CDYL2: variants seen among roughly 807,000 people sequenced by gnomAD.
The protein encoded by CDYL2 is chromodomain Y-like protein 2.
A neutral mutation model predicts 49.4 loss-of-function variants in CDYL2; 23 were observed. That is an observed-to-expected ratio of 0.47 (90% CI 0.34 to 0.66). CDYL2 has a LOEUF of 0.66. Ranked by LOEUF, CDYL2 falls within the 30% of genes least tolerant of loss-of-function variation. The pLI, the probability that CDYL2 is intolerant of heterozygous loss-of-function variation, is 0.01. For synonymous variants in CDYL2, 360 were observed against 268.8 expected, an observed-to-expected ratio of 1.34 and a Z score of -3.32; for missense variants, 678 against 656.4, an observed-to-expected ratio of 1.03 and a Z score of -0.36.
At chr16:80,729,852 C>G (rs1345379299) in intron 1 of CDYL2, among the ~76,000 whole-genome samples, 2 of 152,158 alleles carry the variant, frequency 1.3e-5, no homozygotes, top group Non-Finnish European at 2.9e-5. Flanking sequence ...TAAATGACTA[C>G]TGGGTGCATA....
At chr16:80,719,017 T>C (rs909631150) in intron 1 of CDYL2, among the ~76,000 whole-genome samples, 10 of 152,172 alleles carry the variant, frequency 6.6e-5, no homozygotes, top group Non-Finnish European at 1.0e-4. Context: ...GCTTGACGAC[T>C]TAACGCTCCC....
At chr16:80,668,909 A>C (rs1393592980) in intron 2 of CDYL2, among the ~76,000 whole-genome samples, 1 of 152,030 alleles carries the variant, frequency 6.6e-6, no homozygotes, top group East Asian at 1.9e-4. Context: ...AAATAATAAT[A>C]ATAATTTAAA....
At chr16:80,691,559 C>A (rs546707138) in intron 1 of CDYL2, among the ~76,000 whole-genome samples, 2 of 152,156 alleles carry the variant, frequency 1.3e-5, no homozygotes, top group Non-Finnish European at 2.9e-5. Context: ...ATCCATTCTG[C>A]TGGAAAACAC....
intron 4 of CDYL2, among the ~76,000 whole-genome samples, chr16:80,617,567 A>C (rs893542980): frequency 1.3e-5 from 2 of 152,170 alleles, no homozygotes; most frequent in Non-Finnish European, 2.9e-5. Context: ...CCCCAACTCC[A>C]GAGTGTGGCC....
chr16:80,639,763 C>A (rs894404616), intron 2 of CDYL2: 1 of 455,820 alleles, frequency 2.2e-6, no homozygotes, highest in South Asian at 1.6e-5. Flanking sequence ...TCCCCTCCCC[C>A]TGAAGCAGTA....
At position 80,776,709 on chromosome 16, in the gene CDYL2, A is replaced by G. The variant is rs948828412; in HGVS notation, c.24+27441T>C. On this transcript the variant is annotated intron_variant, in intron 1 of 6. Transcript: ENST00000570137. ...TCTTAAAAGCATAATGTAGAGTAAA[A>G]AAAGCAAGATGCAGAAGAATTCATA... Among the ~76,000 whole-genome samples the G allele has an allele frequency of 4.6e-5, 7 of 151,932 alleles. No individual in the cohort carries two copies. In the East Asian group the frequency reaches 5.8e-4, roughly 13 times the overall value.
At chr16:80,616,595 G>T (rs554263428) in intron 4 of CDYL2, among the ~76,000 whole-genome samples, 12 of 152,300 alleles carry the variant, frequency 7.9e-5, no homozygotes, top group African/African-American at 2.9e-4. Flanking sequence ...AAGTCAGCCA[G>T]TACGGGACCA....
chr16:80,698,255 G>A (rs1159266970), intron 1 of CDYL2, among the ~76,000 whole-genome samples: 1 of 152,102 alleles, frequency 6.6e-6, no homozygotes, highest in African/African-American at 2.4e-5. Flanking sequence ...AAACAGACAG[G>A]ATTATGTCAA....
At chr16:80,692,016 A>C (rs188187054) in intron 1 of CDYL2, among the ~76,000 whole-genome samples, 89 of 152,338 alleles carry the variant, frequency 5.8e-4, no homozygotes, top group Non-Finnish European at 1.1e-3. Context: ...AAGGACACAG[A>C]AATTTTAAAG....
chr16:80,637,433 A>G (rs1273849955), intron 2 of CDYL2, among the ~76,000 whole-genome samples: 1 of 152,204 alleles, frequency 6.6e-6, no homozygotes, highest in Non-Finnish European at 1.5e-5. Flanking sequence ...ATAAAAGTAT[A>G]TAAAGTTTGG....
At chr16:80,774,097 C>A (rs1373127611) in intron 1 of CDYL2, among the ~76,000 whole-genome samples, 2 of 151,470 alleles carry the variant, frequency 1.3e-5, no homozygotes, top group Non-Finnish European at 2.9e-5. Flanking sequence ...ATAATTTTGG[C>A]AATAAATAAA....
At chr16:80,646,501 A>G (rs142610527) in intron 2 of CDYL2, among the ~76,000 whole-genome samples, 102 of 152,316 alleles carry the variant, frequency 6.7e-4, no homozygotes, top group Middle Eastern at 3.4e-3. Flanking sequence ...ATTAAAAAAC[A>G]AGACCCAGGT....
At chr16:80,743,800 G>T (rs532631121) in intron 1 of CDYL2, among the ~76,000 whole-genome samples, 1 of 151,922 alleles carries the variant, frequency 6.6e-6, no homozygotes, top group African/African-American at 2.4e-5. Flanking sequence ...ATCAATTAAG[G>T]ATGAAGATAA....
intron 2 of CDYL2, among the ~76,000 whole-genome samples, chr16:80,659,101 AC>A (rs1908935262): frequency 6.9e-6 from 1 of 144,034 alleles, no homozygotes; most frequent in Non-Finnish European, 1.5e-5. Flanking sequence ...GGATGGATGG[AC>A]AGACGGATGG....
At chr16:80,702,480 A>G (rs929221800) in intron 1 of CDYL2, among the ~76,000 whole-genome samples, 17 of 152,168 alleles carry the variant, frequency 1.1e-4, no homozygotes, top group African/African-American at 4.1e-4. Flanking sequence ...TCTGGACATG[A>G]GGGCTCACGT....
intron 1 of CDYL2, among the ~76,000 whole-genome samples, chr16:80,726,259 C>T (rs1905159140): frequency 6.6e-6 from 1 of 152,176 alleles, no homozygotes; most frequent in Non-Finnish European, 1.5e-5. Context: ...AATCAATATT[C>T]ATCCATAGGT....
At chr16:80,713,246 G>A (rs921152910) in intron 1 of CDYL2, among the ~76,000 whole-genome samples, 2 of 152,226 alleles carry the variant, frequency 1.3e-5, no homozygotes, top group Non-Finnish European at 2.9e-5. Flanking sequence ...TAAATGCACG[G>A]ATAAATATGT....
intron 1 of CDYL2, among the ~76,000 whole-genome samples, chr16:80,752,916 C>T (rs1433003081): frequency 6.6e-6 from 1 of 152,128 alleles, no homozygotes; most frequent in Non-Finnish European, 1.5e-5. Context: ...GGAAATCTAT[C>T]CCATATTGAA....
chr16:80,639,647 C>CA (rs1481962096), intron 2 of CDYL2: 1 of 454,076 alleles, frequency 2.2e-6, no homozygotes, highest in Non-Finnish European at 4.4e-6. Flanking sequence ...TTCATAAGAA[C>CA]AAAAAATCAG....
Sources: gnomAD v4.1 joint callset for allele counts (sites outside exome capture counted in the v4.1 genomes callset) on GRCh38, gnomAD v4.1.1 for gene constraint, MANE v1.5 for transcripts, NCBI Gene and HGNC (gene_info 2026-07-23, HGNC 2026-07-21) for gene names.